ANKS1B: variants seen among roughly 807,000 people sequenced by gnomAD.
ANKS1B encodes ankyrin repeat and sterile alpha motif domain-containing protein 1B.
Under a neutral mutation model 148.3 loss-of-function variants are expected in ANKS1B, and 36 were observed. The observed-to-expected ratio is 0.24, with a 90% CI of 0.19 to 0.32. The LOEUF is 0.32. Among genes scored for constraint, ANKS1B ranks in the 10% least tolerant of loss-of-function variants. The pLI is 1.00. For synonymous variants in ANKS1B, 542 were observed against 560.8 expected, an observed-to-expected ratio of 0.97 and a Z score of 0.47; for missense variants, 1,157 against 1,542.6, an observed-to-expected ratio of 0.75 and a Z score of 4.19.
intron 12 of ANKS1B, among the ~76,000 whole-genome samples, chr12:99,317,043 C>T (rs1411713787): frequency 6.6e-6 from 1 of 152,140 alleles, no homozygotes; most frequent in African/African-American, 2.4e-5. Context: ...GTTTTGGTAC[C>T]AGTACCATGC....
intron 16 of ANKS1B, among the ~76,000 whole-genome samples, chr12:99,071,703 A>G (rs1321855367): frequency 6.6e-6 from 1 of 150,514 alleles, no homozygotes; most frequent in African/African-American, 2.5e-5. Flanking sequence ...GCTGGAGTGC[A>G]GTGGCGGGAT....
chr12:99,851,348 C>T (rs909966594), intron 1 of ANKS1B, among the ~76,000 whole-genome samples: 1 of 152,014 alleles, frequency 6.6e-6, no homozygotes, highest in Admixed American at 6.6e-5. Context: ...TTCAACTCTT[C>T]CTAATTAAGT....
chr12:99,089,042 C>A (rs2053105530), intron 15 of ANKS1B, among the ~76,000 whole-genome samples: 1 of 151,810 alleles, frequency 6.6e-6, no homozygotes, highest in African/African-American at 2.4e-5. Flanking sequence ...CCAGGGTGGT[C>A]TCGAACTCCT....
chr12:99,504,709 A>G, intron 9 of ANKS1B, 68 bp from the exon 10 acceptor site: 1 of 1,204,228 alleles, frequency 8.3e-7, no homozygotes, highest in Non-Finnish European at 1.1e-6. Flanking sequence ...TATAAAAACT[A>G]GAAAAGATAA....
chr12:99,494,732 CAAAAAAA>C (rs59115173), intron 10 of ANKS1B, among the ~76,000 whole-genome samples: 1 of 55,998 alleles, frequency 1.8e-5, no homozygotes, highest in African/African-American at 7.8e-5. Flanking sequence ...CACTCTGTCT[CAAAAAAA>C]AAAAAAAAAA....
intron 17 of ANKS1B, among the ~76,000 whole-genome samples, chr12:98,953,545 T>TG: frequency 1.1e-5 from 1 of 87,492 alleles, no homozygotes; most frequent in Non-Finnish European, 2.1e-5. Flanking sequence ...TGGTTTTTTT[T>TG]TTTTTTTTTT....
intron 12 of ANKS1B, among the ~76,000 whole-genome samples, chr12:99,300,486 A>C (rs2081451605): frequency 6.6e-6 from 1 of 152,102 alleles, no homozygotes; most frequent in Admixed American, 6.6e-5. Context: ...GAAAAAAAAA[A>C]CAACACAGAA....
At position 98,948,060 on chromosome 12, in the gene ANKS1B, TA is replaced by T. The variant is rs566067614; in HGVS notation, c.2778+105096del. ...ACAAATCTAGCAGAAGTGCAATTAT[TA>T]AAAAAAAAACCCTTGGAAAGGACAT... On this transcript the variant is annotated intron_variant, in intron 17 of 26. Coordinates refer to ENST00000683438, the MANE Select transcript of ANKS1B (RefSeq NM_001352186.2). Among the ~76,000 whole-genome samples, 332 of 148,640 alleles carry T rather than the reference TA, an allele frequency of 2.2e-3. 1 individual carries two copies. Among genetic ancestry groups the T allele is most frequent in the African/African-American group, 7.7e-3 (311 of 40,638 alleles).
chr12:99,519,221 G>A (rs2096851723), intron 9 of ANKS1B, among the ~76,000 whole-genome samples: 1 of 152,046 alleles, frequency 6.6e-6, no homozygotes, highest in Non-Finnish European at 1.5e-5. Context: ...TGTTTTGTAA[G>A]TATCTATTAA....
chr12:98,809,959 C>T (rs561807526), intron 19 of ANKS1B, among the ~76,000 whole-genome samples: 3 of 152,244 alleles, frequency 2.0e-5, no homozygotes, highest in South Asian at 2.1e-4. Context: ...CAACAGGACC[C>T]GAGGCCATGC....
intron 1 of ANKS1B, among the ~76,000 whole-genome samples, chr12:99,831,269 C>A (rs2083942939): frequency 1.3e-5 from 2 of 148,922 alleles, no homozygotes; most frequent in Admixed American, 1.3e-4. Context: ...TTATATATTT[C>A]TTTATCAAAT....
rs752460055 is a variant in ANKS1B at position 98,777,713 on chromosome 12, C to A, written c.3441+3404G>T. Among the ~76,000 whole-genome samples the A allele has an allele frequency of 2.1e-4, 32 of 152,334 alleles. No homozygotes were observed. The Middle Eastern group carries it at 0.014, about 65-fold the overall frequency. On this transcript the variant is annotated intron_variant, in intron 24 of 26. Transcript: ENST00000683438. ...TTAAATCAGGATTAGTGATTCAATT[C>A]ATTTCCTAAGTTGCTAGGCAATACA... is the stretch of plus-strand genomic sequence containing the variant.
chr12:99,940,041 G>A (rs1269458806), intron 1 of ANKS1B, among the ~76,000 whole-genome samples: 1 of 152,170 alleles, frequency 6.6e-6, no homozygotes, highest in Non-Finnish European at 1.5e-5. Flanking sequence ...AATATTCAAT[G>A]TTGTGTGACA....
intron 4 of ANKS1B, among the ~76,000 whole-genome samples, 198 bp downstream of exon 4, chr12:99,806,206 A>G (rs959605804): frequency 3.3e-5 from 5 of 152,246 alleles, no homozygotes; most frequent in African/African-American, 1.2e-4. Flanking sequence ...CCCTCAAATT[A>G]GAATGAGGTT....
intron 17 of ANKS1B, among the ~76,000 whole-genome samples, chr12:98,980,197 T>C (rs1344561728): frequency 6.6e-6 from 1 of 152,134 alleles, no homozygotes; most frequent in African/African-American, 2.4e-5. Flanking sequence ...CAAATAGGTT[T>C]TTTTGTTTGT....
At chr12:99,820,951 ATGAGGGAGC>A (rs2082427112) in intron 2 of ANKS1B, among the ~76,000 whole-genome samples, 1 of 151,976 alleles carries the variant, frequency 6.6e-6, no homozygotes, top group Admixed American at 6.6e-5. Context: ...CATCTATAAA[ATGAGGGAGC>A]TGAGGGGTGT....
At chr12:99,559,498 T>A (rs539771610) in intron 9 of ANKS1B, among the ~76,000 whole-genome samples, 3 of 152,314 alleles carry the variant, frequency 2.0e-5, no homozygotes, top group Admixed American at 1.3e-4. Context: ...GATGATCACA[T>A]AGAATTAATA....
intron 17 of ANKS1B, among the ~76,000 whole-genome samples, chr12:98,895,453 AGAGGAGGAC>A (rs1328066382): frequency 6.6e-6 from 1 of 152,074 alleles, no homozygotes; most frequent in African/African-American, 2.4e-5. Context: ...GCCGCTGGAG[AGAGGAGGAC>A]GAGGAGGGCA....
intron 17 of ANKS1B, chr12:98,894,718 C>T (rs112380553): frequency 0.019 from 18,409 of 985,514 alleles, 967 homozygotes; most frequent in African/African-American, 0.18. Context: ...CTTGAACCTC[C>T]GCTCCCCTAG....
Sources: allele counts gnomAD v4.1 joint callset (sites outside exome capture counted in the v4.1 genomes callset), GRCh38; gene constraint gnomAD v4.1.1; transcripts MANE v1.5; gene names NCBI Gene and HGNC (gene_info 2026-07-23, HGNC 2026-07-21).